ARG1: variants seen among roughly 807,000 people sequenced by gnomAD.
ARG1 encodes arginase 1.
Under a neutral mutation model 33.0 loss-of-function variants are expected in ARG1, and 20 were observed. The ratio of observed to expected loss-of-function variants is 0.61; its 90% CI spans 0.43 to 0.88. The LOEUF is 0.88. Ranked by LOEUF, ARG1 falls within the 40% of genes least tolerant of loss-of-function variation. ARG1 has a pLI of 0.00. For missense variants in ARG1, 374 were observed against 384.7 expected, an observed-to-expected ratio of 0.97 and a Z score of 0.23; for synonymous variants, 146 against 140.6, an observed-to-expected ratio of 1.04 and a Z score of -0.27.
chr6:131,583,268 CTTT>C, intron 6 of ARG1, 84 bp from the exon 7 acceptor site: 1 of 1,607,246 alleles, frequency 6.2e-7, no homozygotes. Flanking sequence ...TGGGTTGCTA[CTTT>C]TTATAAAACA....
At chr6:131,580,749 A>C (rs1773878451) in intron 3 of ARG1, among the ~76,000 whole-genome samples, 2 of 145,570 alleles carry the variant, frequency 1.4e-5, no homozygotes, top group African/African-American at 5.4e-5. Context: ...TGATGCTCTC[A>C]AATTATAAAA....
In ARG1 at chr6:131,583,115, C is replaced by T; in HGVS notation, c.616C>T (p.Leu206=). The change falls in exon 6 of 8, where the codon CTA becomes TTA. Residue 206 remains leucine, a synonymous_variant. Transcript: ENST00000368087. ...KYFSMTEVDR[L]GIGKVMEETL... ...CTTTTCAATGACTGAAGTGGACAGACTAGGAATTGGCAAGGTGATGGAAGA... is the reference window on the plus strand; with the variant it reads ...CTTTTCAATGACTGAAGTGGACAGATTAGGAATTGGCAAGGTGATGGAAGA... 6.2e-7 allele frequency: 1 copy of T among 1,613,922 alleles called. No homozygotes were observed. The highest frequency in any genetic ancestry group is 8.5e-7 in the Non-Finnish European group (1 of 1,179,934).
chr6:131,579,372 C>G, intron 3 of ARG1, 87 bp downstream of exon 3: 1 of 1,470,502 alleles, frequency 6.8e-7, no homozygotes, highest in Non-Finnish European at 9.3e-7. Flanking sequence ...GAAATATAGA[C>G]AGAAAAGCAT....
chr6:131,577,629 C>T (rs112185951), intron 2 of ARG1, among the ~76,000 whole-genome samples: 3,016 of 151,948 alleles, frequency 0.02, 119 homozygotes, highest in African/African-American at 0.07. Context: ...TGGTCGGGCA[C>T]GGTGGCTGAG....
At chr6:131,581,401 A>C in intron 4 of ARG1, 23 bp downstream of exon 4, 2 of 1,603,784 alleles carry the variant, frequency 1.2e-6, no homozygotes, top group Non-Finnish European at 8.5e-7. Flanking sequence ...TTGGTACTCT[A>C]GTGCAATAGA....
intron 1 of ARG1, among the ~76,000 whole-genome samples, chr6:131,576,145 T>C (rs529047462): frequency 6.6e-6 from 1 of 152,332 alleles, no homozygotes; most frequent in African/African-American, 2.4e-5. Context: ...ACACACCCTG[T>C]CCCCAACAGT....
rs903693189 is a variant in ARG1 at position 131,582,676 on chromosome 6, T to C, written c.521T>C (p.Ile174Thr). 3.7e-6 allele frequency: 6 copies of C among 1,613,874 alleles called. No individual in the cohort carries two copies. Among genetic ancestry groups the C allele is most frequent in the East Asian group, 2.2e-5 (1 of 44,856 alleles). The part of the protein sequence containing the change: ...WVTPCISAKD[I>T]VYIGLRDVDP... ...ACTCCCTGTATATCTGCCAAGGATA[T>C]TGTGTATATTGGCTTGAGAGACGTG... Residue 174 changes from isoleucine to threonine, a missense_variant, in exon 5 of 8, where the codon ATT becomes ACT. By Grantham distance (89) the Ile-to-Thr change is moderately conservative. Transcript: ENST00000368087.
intron 1 of ARG1, among the ~76,000 whole-genome samples, chr6:131,574,468 T>C (rs566712237): frequency 6.6e-6 from 1 of 152,296 alleles, no homozygotes; most frequent in South Asian, 2.1e-4. Flanking sequence ...TCACCCACTC[T>C]TGAACAGGTT....
rs779949397 is a variant in ARG1, at chr6:131,576,726, AAAG to A, written c.124_126del (p.Glu42del). 2 of 1,613,742 alleles carry A rather than the reference AAAG, an allele frequency of 1.2e-6. No individual in the cohort carries two copies. Among genetic ancestry groups the A allele is most frequent in the Non-Finnish European group, 1.7e-6 (2 of 1,179,674 alleles). On this transcript the variant is annotated inframe_deletion, in exon 2 of 8. Transcript: ENST00000368087. ...AAAGGCTGGTCTGCTTGAGAAACTT[AAAG>A]AACAAGGTAATTTTTAAGTTGAAAA...
At chr6:131,578,450 C>T (rs190286122) in intron 2 of ARG1, among the ~76,000 whole-genome samples, 15 of 152,272 alleles carry the variant, frequency 9.9e-5, no homozygotes, top group African/African-American at 3.1e-4. Context: ...TTAGGGAGCA[C>T]ACCCAGTCCT....
intron 6 of ARG1, 64 bp from the exon 7 acceptor site, chr6:131,583,291 A>G: frequency 2.5e-6 from 4 of 1,610,936 alleles, no homozygotes; most frequent in Non-Finnish European, 3.4e-6. Context: ...AAGTTAACAG[A>G]TTATTATCTA....
At position 131,583,692 on chromosome 6, in the gene ARG1, C is replaced by T. The variant is rs752210323; in HGVS notation, c.803-50C>T. ...CTTTCAAGTCTGTCTGTACTACTTT[C>T]AAAATGTCAACTATTTTATAAATTA... is the stretch of plus-strand genomic sequence containing the variant. On this transcript the variant is annotated intron_variant, in intron 7 of 7. Coordinates refer to ENST00000368087, the MANE Select transcript of ARG1 (RefSeq NM_000045.4). 2.5e-6 allele frequency: 4 copies of T among 1,590,416 alleles called. No individual in the cohort carries two copies. The African/African-American group carries it at 5.4e-5, about 22-fold the overall frequency.
chr6:131,575,007 T>C (rs1397145477), intron 1 of ARG1, among the ~76,000 whole-genome samples: 1 of 152,172 alleles, frequency 6.6e-6, no homozygotes, highest in Non-Finnish European at 1.5e-5. Context: ...TGTGGCCATT[T>C]AGGGATTGGG....
chr6:131,573,402 T>G (rs1773471254), intron 1 of ARG1, 63 bp downstream of exon 1: 2 of 1,507,948 alleles, frequency 1.3e-6, no homozygotes, highest in African/African-American at 2.8e-5. Flanking sequence ...ACTTCAAAAT[T>G]TGTAAGGTGT....
chr6:131,573,965 G>T, intron 1 of ARG1: 1 of 388,546 alleles, frequency 2.6e-6, no homozygotes, highest in Non-Finnish European at 4.7e-6. Flanking sequence ...CCTACTGCGG[G>T]TTGGCAACTC....
In ARG1 at chr6:131,582,637, G is replaced by C. The variant is rs201484132; in HGVS notation, c.482G>C (p.Gly161Ala). ...TAATTTTAGATTCCCGATGTGCCAG[G>C]ATTCTCCTGGGTGACTCCCTGTATA... ...ELKGKIPDVP[G>A]FSWVTPCISA... Residue 161 changes from glycine to alanine, a missense_variant, in exon 5 of 8, where the codon GGA becomes GCA. Transcript: ENST00000368087. 79 of 1,613,664 alleles carry C rather than the reference G, an allele frequency of 4.9e-5. No individual in the cohort carries two copies. The highest frequency in any genetic ancestry group is 1.2e-5 in the Non-Finnish European group (14 of 1,179,744).
intron 1 of ARG1, chr6:131,574,290 T>G (rs1001681431): frequency 6.2e-7 from 1 of 1,613,866 alleles, no homozygotes; most frequent in African/African-American, 1.3e-5. Flanking sequence ...GTACTCTGAC[T>G]TTTTACTGCA....
chr6:131,578,538 T>C (rs1025792982), intron 2 of ARG1, among the ~76,000 whole-genome samples: 1 of 152,076 alleles, frequency 6.6e-6, no homozygotes, highest in African/African-American at 2.4e-5. Context: ...GCTTCCAAAG[T>C]GTTAGGCTCA....
intron 3 of ARG1, 36 bp downstream of exon 3, chr6:131,579,321 A>G (rs756616090): frequency 6.2e-7 from 1 of 1,609,644 alleles, no homozygotes; most frequent in Admixed American, 1.7e-5. Flanking sequence ...GGAATCTGGC[A>G]CAAAGGAAGT....
Sources: gnomAD v4.1 joint callset for allele counts (sites outside exome capture counted in the v4.1 genomes callset) on GRCh38, gnomAD v4.1.1 for gene constraint, MANE v1.5 for transcripts, NCBI Gene and HGNC (gene_info 2026-07-23, HGNC 2026-07-21) for gene names.